The following COL6A6 variants were observed in gnomAD, a reference collection of about 807,000 sequenced individuals.
COL6A6 encodes collagen alpha-6(VI) chain.
In COL6A6, 183 loss-of-function variants were observed where a neutral mutation model predicts 208.6. That is an observed-to-expected ratio of 0.88 (90% CI 0.78 to 0.99). The LOEUF (loss-of-function observed/expected upper bound fraction) is 0.99. Among genes scored for constraint, COL6A6 ranks in the 50% least tolerant of loss-of-function variants. The pLI, the probability that COL6A6 is intolerant of heterozygous loss-of-function variation, is 0.00. For synonymous variants in COL6A6, 973 were observed against 1,011.8 expected, an observed-to-expected ratio of 0.96 and a Z score of 0.73; for missense variants, 2,816 against 2,815.2, an observed-to-expected ratio of 1.00 and a Z score of -0.01.
At chr3:130,637,781 T>C (rs2108347345) in intron 28 of COL6A6, among the ~76,000 whole-genome samples, 1 of 152,312 alleles carries the variant, frequency 6.6e-6, no homozygotes, top group Middle Eastern at 3.4e-3. Context: ...TTTTAACCTG[T>C]TTTATTTTGT....
intron 6 of COL6A6, 130 bp downstream of exon 6, chr3:130,568,734 C>T (rs1284273766): frequency 1.1e-6 from 1 of 897,736 alleles, no homozygotes; most frequent in Non-Finnish European, 1.6e-6. Context: ...CTCCTAGTGG[C>T]TTTGACCTGT....
intron 1 of COL6A6, among the ~76,000 whole-genome samples, chr3:130,548,824 T>C (rs2062579470): frequency 6.6e-6 from 1 of 152,254 alleles, no homozygotes; most frequent in Non-Finnish European, 1.5e-5. Flanking sequence ...GTTTAGTTCA[T>C]GGATTTCTTT....
At chr3:130,560,148 C>T (rs10934947) in intron 1 of COL6A6, among the ~76,000 whole-genome samples, 186 bp from the exon 2 acceptor site, 6,727 of 152,226 alleles carry the variant, frequency 0.044, 356 homozygotes, top group African/African-American at 0.12. Flanking sequence ...AAAACTCTTA[C>T]GACTTTGTAA....
At chr3:130,601,901 A>C (rs1001758589) in intron 20 of COL6A6, among the ~76,000 whole-genome samples, 1 of 152,236 alleles carries the variant, frequency 6.6e-6, no homozygotes, top group Non-Finnish European at 1.5e-5. Flanking sequence ...AAGCTGATAC[A>C]TCAAGTGTGA....
Position 130,649,258 on chromosome 3 carries a change from G to A in COL6A6, c.5429G>A (p.Arg1810Lys). Reference protein sequence around the residue: ...IAILSYNSHARHLVRFSDAYK... With the variant: ...IAILSYNSHAKHLVRFSDAYK... ...ATCCTCTCCTATAACTCCCACGCCA[G>A]GCACCTTGTGCGCTTCTCAGACGCC... The change falls in exon 33 of 37, where the codon AGG (arginine) becomes AAG (lysine). Residue 1810 changes from arginine to lysine, a missense_variant. Transcript: ENST00000358511. 1 of 1,598,922 alleles carries A rather than the reference G, an allele frequency of 6.3e-7. No individual in the cohort carries two copies. Among genetic ancestry groups the A allele is most frequent in the Non-Finnish European group, 8.5e-7 (1 of 1,172,914 alleles).
intron 1 of COL6A6, among the ~76,000 whole-genome samples, chr3:130,529,143 C>T (rs2062026095): frequency 6.6e-6 from 1 of 152,044 alleles, no homozygotes; most frequent in African/African-American, 2.4e-5. Context: ...ATTTGATAGC[C>T]CCTTATTCTC....
intron 33 of COL6A6, among the ~76,000 whole-genome samples, chr3:130,657,159 C>T (rs1178472330): frequency 1.3e-5 from 2 of 152,256 alleles, no homozygotes; most frequent in African/African-American, 4.8e-5. Flanking sequence ...GAGGCTCTTA[C>T]CCTGCCAACT....
At chr3:130,546,245 G>A (rs559039929) in intron 1 of COL6A6, among the ~76,000 whole-genome samples, 4 of 152,104 alleles carry the variant, frequency 2.6e-5, no homozygotes, top group Non-Finnish European at 5.9e-5. Flanking sequence ...CCTTCTGGTG[G>A]GTTTGTGGTC....
chr3:130,544,544 C>A (rs1344688888), intron 1 of COL6A6, among the ~76,000 whole-genome samples: 1 of 152,026 alleles, frequency 6.6e-6, no homozygotes, highest in Non-Finnish European at 1.5e-5. Flanking sequence ...GGGTATATAC[C>A]CAGAAGAGGG....
At chr3:130,552,162 G>T (rs1412812811) in intron 1 of COL6A6, among the ~76,000 whole-genome samples, 2 of 152,050 alleles carry the variant, frequency 1.3e-5, no homozygotes, top group African/African-American at 4.8e-5. Context: ...GATCCATTTG[G>T]TCCAGTGTCT....
chr3:130,601,083 A>G (rs1457949209), intron 20 of COL6A6, among the ~76,000 whole-genome samples: 1 of 152,188 alleles, frequency 6.6e-6, no homozygotes, highest in Non-Finnish European at 1.5e-5. Context: ...AAGAAGAGAT[A>G]ACTTTAATAA....
intron 28 of COL6A6, among the ~76,000 whole-genome samples, chr3:130,638,297 GA>G (rs2065214004): frequency 6.6e-6 from 1 of 152,094 alleles, no homozygotes; most frequent in African/African-American, 2.4e-5. Flanking sequence ...TAAGCATTAT[GA>G]ACTGATTCCT....
chr3:130,557,258 C>A (rs1292764895), intron 1 of COL6A6, among the ~76,000 whole-genome samples: 1 of 152,196 alleles, frequency 6.6e-6, no homozygotes, highest in African/African-American at 2.4e-5. Context: ...TACAAAGCTC[C>A]TTTTTGTAAT....
intron 13 of COL6A6, among the ~76,000 whole-genome samples, chr3:130,591,379 G>T (rs1034366350): frequency 2.0e-5 from 3 of 152,094 alleles, no homozygotes; most frequent in Non-Finnish European, 4.4e-5. Context: ...CCCCCATTCT[G>T]GAGCATTCTG....
At chr3:130,599,879 T>A (rs781577278) in intron 20 of COL6A6, 69 bp downstream of exon 20, 2 of 1,454,150 alleles carry the variant, frequency 1.4e-6, no homozygotes, top group Non-Finnish European at 1.9e-6. Flanking sequence ...ATGGCTGACT[T>A]TGGGGGAGTG....
intron 33 of COL6A6, among the ~76,000 whole-genome samples, chr3:130,654,645 G>A (rs2065738860): frequency 6.6e-6 from 1 of 152,202 alleles, no homozygotes; most frequent in South Asian, 2.1e-4. Context: ...CAGATAAGCA[G>A]CCTCTGCTTT....
Position 130,568,038 on chromosome 3 carries a change from C to T in COL6A6, c.1844-9C>T. The T allele has an allele frequency of 6.3e-7, 1 of 1,591,918 alleles. No individual in the cohort carries two copies. The highest frequency in any genetic ancestry group is 1.2e-5 in the South Asian group (1 of 86,780). On this transcript the variant is annotated splice_polypyrimidine_tract_variant and intron_variant, in intron 5 of 36. Coordinates refer to ENST00000358511, the MANE Select transcript of COL6A6 (RefSeq NM_001102608.3). Reference sequence around the variant, plus strand: ...GACTTGAATAAACATCACAGTTTTTCCTATGCAGCTTGCAAAGAGATGAAA... The same window carrying T: ...GACTTGAATAAACATCACAGTTTTTTCTATGCAGCTTGCAAAGAGATGAAA...
rs781348358 is a variant in COL6A6, at chr3:130,574,081, A to G, written c.3103A>G (p.Asn1035Asp). The G allele has an allele frequency of 6.8e-6, 11 of 1,613,890 alleles. No homozygotes were observed. Among genetic ancestry groups the G allele is most frequent in the African/African-American group, 4.0e-5 (3 of 74,932 alleles). ...TGTTCAAGACTTTGATGTCAGCCTC[A>G]ACAGAGTGCGAATAGGAGCGGCCCA... is the stretch of plus-strand genomic sequence containing the variant. ...SVVQDFDVSL[N>D]RVRIGAAQFS... The change falls in exon 8 of 37, where the codon AAC (asparagine) becomes GAC (aspartate). Residue 1035 changes from asparagine (N) to aspartate (D), a missense_variant. By Grantham distance (23) the Asn-to-Asp change is conservative (BLOSUM62 1). Transcript: ENST00000358511.
At chr3:130,571,652 C>G (rs895036778) in intron 7 of COL6A6, among the ~76,000 whole-genome samples, 2 of 151,968 alleles carry the variant, frequency 1.3e-5, no homozygotes, top group African/African-American at 4.8e-5. Context: ...ATGGGAAATT[C>G]AAAAGTTGTT....
Sources: allele counts gnomAD v4.1 joint callset (sites outside exome capture counted in the v4.1 genomes callset), GRCh38; gene constraint gnomAD v4.1.1; transcripts MANE v1.5; gene names NCBI Gene and HGNC (gene_info 2026-07-23, HGNC 2026-07-21).